The following NTNG2 variants were observed in gnomAD, a reference collection of about 807,000 sequenced individuals.
The protein encoded by NTNG2 is netrin G2.
In NTNG2, 15 loss-of-function variants were observed where a neutral mutation model predicts 47.6. That is an observed-to-expected ratio of 0.32 (90% CI 0.21 to 0.49). The LOEUF is 0.49. Among genes scored for constraint, NTNG2 ranks in the 20% least tolerant of loss-of-function variants. NTNG2 has a pLI of 0.99. For missense variants in NTNG2, 578 were observed against 764.6 expected (o/e 0.76, Z 2.88); for synonymous variants, 307 against 324.6 (o/e 0.95, Z 0.58).
chr9:132,182,375 G>A lies in NTNG2; in HGVS notation c.213+15331G>A, dbSNP rs1417539971. 6.6e-6 allele frequency among the ~76,000 whole-genome samples: 1 copy of A among 152,136 alleles called. No individual in the cohort carries two copies. The highest frequency in any genetic ancestry group is 1.5e-5 in the Non-Finnish European group (1 of 68,022). On this transcript the variant is annotated intron_variant, in intron 2 of 7. Coordinates refer to ENST00000393229, the MANE Select transcript of NTNG2 (RefSeq NM_032536.4). The surrounding 1 kb of genome is among the most constrained non-coding windows in gnomAD (Gnocchi z 4.2). ...TCCAGGCCTGTCTGCTTGGCACGGG[G>A]CAGCCCTACCCTCCTGCCCAGTTCC... is the stretch of plus-strand genomic sequence containing the variant.
rs1487818716 is a variant in NTNG2, at chr9:132,221,589, G to T, written c.858-5260G>T. 6.6e-6 allele frequency among the ~76,000 whole-genome samples: 1 copy of T among 152,232 alleles called. No homozygotes were observed. Among genetic ancestry groups the T allele is most frequent in the Non-Finnish European group, 1.5e-5 (1 of 68,046 alleles). ...GGCAATTCTCTCCTTTGGAAGAGGAGGCACTGTGCTTGTTCTGGGGCTCAG... is the reference window on the plus strand; with the variant it reads ...GGCAATTCTCTCCTTTGGAAGAGGATGCACTGTGCTTGTTCTGGGGCTCAG... On this transcript the variant is annotated intron_variant, in intron 3 of 7. Coordinates refer to ENST00000393229, the MANE Select transcript of NTNG2 (RefSeq NM_032536.4). This position sits in a 1 kb window ranked among gnomAD's most constrained non-coding sequence, Gnocchi z 4.2.
At chr9:132,173,865 GGACA>G (rs1836142923) in intron 2 of NTNG2, among the ~76,000 whole-genome samples, 1 of 145,956 alleles carries the variant, frequency 6.9e-6, no homozygotes. Flanking sequence ...ATGGACAGAC[GGACA>G]GACAGGCAGG....
chr9:132,244,109 T>G lies in NTNG2; in HGVS notation c.*1998T>G, dbSNP rs1003749192. 1.3e-5 allele frequency: 2 copies of G among 152,234 alleles called. No individual in the cohort carries two copies. Among genetic ancestry groups the G allele is most frequent in the African/African-American group, 4.8e-5 (2 of 41,440 alleles). 9.4% of individuals were successfully genotyped at this position (152,234 alleles called of 1,614,324 possible). On this transcript the variant is annotated 3_prime_UTR_variant, in exon 8 of 8. Transcript: ENST00000393229. ...ACTGATGGGTGGGCTTCCAGAAAGT[T>G]CTTAAAAGTCATCCCTTCCTCCACG...
chr9:132,204,560 C>T (rs1348896865), intron 3 of NTNG2, among the ~76,000 whole-genome samples: 5 of 152,124 alleles, frequency 3.3e-5, no homozygotes, highest in Non-Finnish European at 7.3e-5. Flanking sequence ...AAAACAGGGG[C>T]AAGAAGGGAA....
rs1248367964 is a variant in NTNG2, at chr9:132,198,429, A to G, written c.677A>G (p.Asp226Gly). 1.9e-6 allele frequency: 3 copies of G among 1,613,096 alleles called. No homozygotes were observed. In the Admixed American group the frequency reaches 5.0e-5, roughly 27 times the overall value. Residue 226 changes from aspartate (D) to glycine (G), a missense_variant, in exon 3 of 8, where the codon GAC becomes GGC. Asp to Gly is a moderately conservative substitution (Grantham distance 94). Coordinates refer to ENST00000393229, the MANE Select transcript of NTNG2 (RefSeq NM_032536.4). ...CGCTTCGCCATCTTTGCCGGCCCCG[A>G]CCTGCGCAACATGGACAACCTCTAC... Reference protein sequence around the residue: ...RDRFAIFAGPDLRNMDNLYTR... With the variant: ...RDRFAIFAGPGLRNMDNLYTR...
At chr9:132,234,121 C>G (rs7871414) in intron 5 of NTNG2, among the ~76,000 whole-genome samples, 1 of 151,818 alleles carries the variant, frequency 6.6e-6, no homozygotes, top group Non-Finnish European at 1.5e-5. Context: ...TCCGCCCCCC[C>G]AGGTTCAAGC....
rs946813052 is a variant in NTNG2, at chr9:132,180,001, G to A, written c.213+12957G>A. 4.6e-5 allele frequency among the ~76,000 whole-genome samples: 7 copies of A among 151,900 alleles called. No homozygotes were observed. Among genetic ancestry groups the A allele is most frequent in the African/African-American group, 1.7e-4 (7 of 41,302 alleles). On this transcript the variant is annotated intron_variant, in intron 2 of 7. Coordinates refer to ENST00000393229, the MANE Select transcript of NTNG2 (RefSeq NM_032536.4). The surrounding 1 kb of genome is among the most constrained non-coding windows in gnomAD (Gnocchi z 4.2). The stretch of plus-strand genomic sequence containing the variant: ...ATCCCTGTGAATCTAACCCTGGAGT[G>A]TTCCAGAACTGCCCACCCTGTGGAA...
intron 2 of NTNG2, among the ~76,000 whole-genome samples, chr9:132,167,808 G>A (rs1835606963): frequency 6.6e-6 from 1 of 152,198 alleles, no homozygotes; most frequent in African/African-American, 2.4e-5. Flanking sequence ...CGTGCGAGCT[G>A]TCTGAGTGTG....
intron 2 of NTNG2, among the ~76,000 whole-genome samples, chr9:132,177,494 TC>T: frequency 6.6e-6 from 1 of 152,202 alleles, no homozygotes; most frequent in East Asian, 1.9e-4. Flanking sequence ...AGGGAAAAGG[TC>T]TATCTTTATT....
rs140393152 is a variant in NTNG2, at chr9:132,213,509, C to G, written c.858-13340C>G. On this transcript the variant is annotated intron_variant, in intron 3 of 7. Transcript: ENST00000393229. ...CCCCTCCCAGGGCAGCATCATTCCT[C>G]ACTGCAGTCCAGGTCCCCAACCCCA... Among the ~76,000 whole-genome samples, 1,380 of 152,268 alleles carry G rather than the reference C, an allele frequency of 9.1e-3. 7 individuals are homozygous for G. Among genetic ancestry groups the G allele is most frequent in the Middle Eastern group, 0.031 (9 of 294 alleles).
chr9:132,209,090 G>A (rs13293982), intron 3 of NTNG2, among the ~76,000 whole-genome samples: 72,511 of 152,176 alleles, frequency 0.48, 17,544 homozygotes, highest in African/African-American at 0.53. Flanking sequence ...TCCGTGGAAG[G>A]ACGTTTCGGT....
In NTNG2 at chr9:132,184,886, C is replaced by T. The variant is rs566277477; in HGVS notation, c.214-13080C>T. On this transcript the variant is annotated intron_variant, in intron 2 of 7. Coordinates refer to ENST00000393229, the MANE Select transcript of NTNG2 (RefSeq NM_032536.4). ...GCAGTGAGCCAAGATCGTACCAGTG[C>T]ACTCCAGCCTGGACAACAAGAGCGA... is the stretch of plus-strand genomic sequence containing the variant. 3.6e-4 allele frequency among the ~76,000 whole-genome samples: 55 copies of T among 152,352 alleles called. 1 individual carries two copies. Among genetic ancestry groups the T allele is most frequent in the Middle Eastern group, 6.8e-3 (2 of 294 alleles).
At chr9:132,175,751 C>T (rs374381449) in intron 2 of NTNG2, among the ~76,000 whole-genome samples, 17 of 152,166 alleles carry the variant, frequency 1.1e-4, no homozygotes, top group African/African-American at 3.9e-4. Context: ...GAGTGCTAGG[C>T]CCTGGCTGCT....
rs1840788245 is a variant in NTNG2 at position 132,226,773 on chromosome 9, G to A, written c.858-76G>A. The A allele has an allele frequency of 7.4e-7, 1 of 1,349,508 alleles. No homozygotes were observed. Among genetic ancestry groups the A allele is most frequent in the Non-Finnish European group, 9.9e-7 (1 of 1,010,868 alleles). 83.6% of individuals were successfully genotyped at this position (1,349,508 alleles called of 1,614,324 possible). A position where few individuals can be genotyped will look rare whatever the true frequency, so the allele number is the denominator to read the frequency against. ...CACCCTCCTGGGCCCCTCCTGGGAG[G>A]CGCTCCTTTCCCCAGAGGCCAGGCC... On this transcript the variant is annotated intron_variant, in intron 3 of 7. Transcript: ENST00000393229. This position sits in a 1 kb window ranked among gnomAD's most constrained non-coding sequence, Gnocchi z 4.8.
intron 2 of NTNG2, among the ~76,000 whole-genome samples, chr9:132,170,405 G>A (rs2131289622): frequency 6.6e-6 from 1 of 152,356 alleles, no homozygotes; most frequent in Admixed American, 6.5e-5. Context: ...GAGAAGAGAG[G>A]CGGCCCCCAC....
chr9:132,231,429 C>T lies in NTNG2; in HGVS notation c.1054+834C>T, dbSNP rs768526201. 2 of 435,386 alleles carry T rather than the reference C, an allele frequency of 4.6e-6. No homozygotes were observed. The highest frequency in any genetic ancestry group is 3.2e-5 in the South Asian group (2 of 62,078). 27.0% of individuals were successfully genotyped at this position (435,386 alleles called of 1,614,324 possible). A position where few individuals can be genotyped will look rare whatever the true frequency, so the allele number is the denominator to read the frequency against. On this transcript the variant is annotated intron_variant, in intron 5 of 7. Transcript: ENST00000393229. The surrounding 1 kb of genome is among the most constrained non-coding windows in gnomAD (Gnocchi z 4.1). ...GCTTCTGGGGTGCACCGTCACCCTCCACCAGGGCTCTGTGGGGCCCCACAT... is the reference window on the plus strand; with the variant it reads ...GCTTCTGGGGTGCACCGTCACCCTCTACCAGGGCTCTGTGGGGCCCCACAT...
At chr9:132,170,344 C>T (rs1835816466) in intron 2 of NTNG2, among the ~76,000 whole-genome samples, 1 of 152,240 alleles carries the variant, frequency 6.6e-6, no homozygotes, top group Admixed American at 6.5e-5. Context: ...TAGGGATGAG[C>T]TCTCAACAGA....
At chr9:132,216,428 ATGTGTGTG>A (rs10578395) in intron 3 of NTNG2, among the ~76,000 whole-genome samples, 28 of 87,652 alleles carry the variant, frequency 3.2e-4, no homozygotes, top group East Asian at 5.9e-4. Context: ...GTGTGTGTGT[ATGTGTGTG>A]TGTGTGTGTG....
chr9:132,185,626 C>T (rs1435485796), intron 2 of NTNG2, among the ~76,000 whole-genome samples: 1 of 152,146 alleles, frequency 6.6e-6, no homozygotes, highest in Non-Finnish European at 1.5e-5. Flanking sequence ...AGCCCTCTTC[C>T]TCTCGGTGCC....
Sources: allele counts gnomAD v4.1 joint callset (sites outside exome capture counted in the v4.1 genomes callset), GRCh38; gene constraint gnomAD v4.1.1; non-coding constraint Gnocchi (gnomAD v3.1); transcripts MANE v1.5; gene names NCBI Gene and HGNC (gene_info 2026-07-23, HGNC 2026-07-21).